PABPC4L: variants seen among roughly 807,000 people sequenced by gnomAD.
PABPC4L encodes polyadenylate-binding protein 4-like.
For missense variants in PABPC4L, 452 were observed against 451.4 expected (o/e 1.00, Z -0.01); for synonymous variants, 169 against 164.1 (o/e 1.03, Z -0.23).
chr4:134,082,212 T>TA, the PABPC4L span, among the ~76,000 whole-genome samples: 1 of 152,214 alleles, frequency 6.6e-6, no homozygotes, highest in Non-Finnish European at 1.5e-5. Flanking sequence ...TTAATAGTCC[T>TA]AAAATCTCAT....
the PABPC4L span, among the ~76,000 whole-genome samples, chr4:134,190,483 C>CTG: frequency 4.6e-5 from 7 of 151,828 alleles, no homozygotes; most frequent in African/African-American, 1.7e-4. Flanking sequence ...ATTCTAATTC[C>CTG]TGTCCTTTCC....
At chr4:133,972,471 G>A in the PABPC4L span, among the ~76,000 whole-genome samples, 38 of 152,126 alleles carry the variant, frequency 2.5e-4, no homozygotes, top group African/African-American at 9.2e-4. Flanking sequence ...AGATAGTATT[G>A]TCACTCAAGA....
In PABPC4L at chr4:134,197,440, C is replaced by G. The variant is rs1729697273; in HGVS notation, c.*2467G>C. The G allele has an allele frequency of 6.6e-6, 1 of 151,396 alleles. No homozygotes were observed. The highest frequency in any genetic ancestry group is 1.5e-5 in the Non-Finnish European group (1 of 67,582). The allele number at this position is 151,396 out of a possible 1,614,324, so 9.4% of individuals were successfully genotyped here. A position where few individuals can be genotyped will look rare whatever the true frequency, so the allele number is the denominator to read the frequency against. ...TGTGAATATATGTATTTAAAGTGTT[C>G]AAAATATTTTGAAGCATGACATCAA... On this transcript the variant is annotated 3_prime_UTR_variant, in exon 2 of 2. Transcript: ENST00000421491.
At chr4:133,961,484 CTAAT>C in the PABPC4L span, among the ~76,000 whole-genome samples, 1 of 152,072 alleles carries the variant, frequency 6.6e-6, no homozygotes, top group African/African-American at 2.4e-5. Flanking sequence ...CACTAAAATG[CTAAT>C]TAGACAAAAA....
chr4:134,189,688 A>T, the PABPC4L span, among the ~76,000 whole-genome samples: 1 of 152,108 alleles, frequency 6.6e-6, no homozygotes, highest in African/African-American at 2.4e-5. Context: ...TCTTATGATT[A>T]GATTTCTGTC....
At chr4:134,019,372 T>G in the PABPC4L span, among the ~76,000 whole-genome samples, 1 of 152,248 alleles carries the variant, frequency 6.6e-6, no homozygotes, top group South Asian at 2.1e-4. Flanking sequence ...TCTTTTGGGG[T>G]TCATCTATTA....
At chr4:134,141,200 C>T in the PABPC4L span, among the ~76,000 whole-genome samples, 1 of 151,524 alleles carries the variant, frequency 6.6e-6, no homozygotes, top group Non-Finnish European at 1.5e-5. Context: ...TGTAGATAGT[C>T]CAAGTCATGC....
At chr4:134,171,453 C>T in the PABPC4L span, among the ~76,000 whole-genome samples, 5 of 152,212 alleles carry the variant, frequency 3.3e-5, no homozygotes, top group African/African-American at 4.8e-5. Flanking sequence ...ATGTACTTTG[C>T]CCACTTTTAA....
the PABPC4L span, chr4:134,010,834 T>C: frequency 1.3e-5 from 2 of 152,130 alleles, no homozygotes; most frequent in African/African-American, 2.4e-5. Context: ...CAGATACCCA[T>C]GATGAAAAAG....
chr4:134,080,508 C>T, the PABPC4L span, among the ~76,000 whole-genome samples: 1 of 152,034 alleles, frequency 6.6e-6, no homozygotes, highest in Non-Finnish European at 1.5e-5. Context: ...AATCCATTTT[C>T]CAGAGTACTA....
At chr4:133,952,914 C>A in the PABPC4L span, among the ~76,000 whole-genome samples, 2 of 152,152 alleles carry the variant, frequency 1.3e-5, no homozygotes, top group South Asian at 2.1e-4. Flanking sequence ...ATCCCTCCCC[C>A]TTCACCCCGA....
chr4:134,191,959 T>A (rs935590898), downstream of PABPC4L, among the ~76,000 whole-genome samples: 1 of 151,982 alleles, frequency 6.6e-6, no homozygotes, highest in Non-Finnish European at 1.5e-5. Context: ...AGCCAAAACT[T>A]GGTTTTTTGA....
chr4:133,982,864 T>A, the PABPC4L span, among the ~76,000 whole-genome samples: 2 of 152,000 alleles, frequency 1.3e-5, no homozygotes, highest in African/African-American at 2.4e-5. Context: ...AAACATGTAA[T>A]TCACATGAAA....
At chr4:134,149,356 G>A in the PABPC4L span, among the ~76,000 whole-genome samples, 10 of 152,132 alleles carry the variant, frequency 6.6e-5, no homozygotes, top group Admixed American at 1.3e-4. Flanking sequence ...ATGAACTAGC[G>A]AAAAAATATT....
chr4:134,186,367 G>A, the PABPC4L span, among the ~76,000 whole-genome samples: 2 of 152,030 alleles, frequency 1.3e-5, no homozygotes, highest in Non-Finnish European at 2.9e-5. Context: ...ACAGAATAGA[G>A]TCCCTGGAAA....
At chr4:134,127,040 A>ATGG in the PABPC4L span, among the ~76,000 whole-genome samples, 2 of 151,940 alleles carry the variant, frequency 1.3e-5, no homozygotes, top group African/African-American at 4.8e-5. Context: ...CCTGTCTGAC[A>ATGG]CAGAAGAGAC....
chr4:134,199,892 G>A lies in PABPC4L; in HGVS notation c.*15C>T. ...CCTGCTGCAGATACTAGCTGGAAAG[G>A]TACGTTTTTCTTTCCTAGTGTCTCT... is the stretch of plus-strand genomic sequence containing the variant. On this transcript the variant is annotated 3_prime_UTR_variant, in exon 2 of 2. Coordinates refer to ENST00000421491, the MANE Select transcript of PABPC4L (RefSeq NM_001114734.2). 1 of 1,549,722 alleles carries A rather than the reference G, an allele frequency of 6.5e-7. No individual in the cohort carries two copies. Among genetic ancestry groups the A allele is most frequent in the East Asian group, 2.4e-5 (1 of 40,906 alleles).
chr4:134,139,953 C>T, the PABPC4L span, among the ~76,000 whole-genome samples: 1 of 151,732 alleles, frequency 6.6e-6, no homozygotes, highest in African/African-American at 2.4e-5. Flanking sequence ...AAACAGGAAG[C>T]ATACAAAATA....
the PABPC4L span, among the ~76,000 whole-genome samples, chr4:134,147,372 T>G: frequency 6.6e-6 from 1 of 152,110 alleles, no homozygotes; most frequent in Non-Finnish European, 1.5e-5. Flanking sequence ...AAATCCTGCA[T>G]GATGTTTAAA....
Sources: allele counts gnomAD v4.1 joint callset (sites outside exome capture counted in the v4.1 genomes callset), GRCh38; gene constraint gnomAD v4.1.1; transcripts MANE v1.5; gene names NCBI Gene and HGNC (gene_info 2026-07-23, HGNC 2026-07-21).